The following TBCK variants were observed in gnomAD, a reference collection of about 807,000 sequenced individuals.
The protein encoded by TBCK is TBC domain-containing protein kinase-like protein.
Under a neutral mutation model 113.4 loss-of-function variants are expected in TBCK, and 99 were observed. The observed-to-expected ratio is 0.87, with a 90% confidence interval of 0.74 to 1.03. The LOEUF (loss-of-function observed/expected upper bound fraction) is 1.03. Ranked by LOEUF, TBCK falls within the 50% of genes least tolerant of loss-of-function variation. The pLI is 0.00. For missense variants in TBCK, 1,045 were observed against 1,061.3 expected, an observed-to-expected ratio of 0.98 and a Z score of 0.21; for synonymous variants, 369 against 370.8, an observed-to-expected ratio of 1.00 and a Z score of 0.05.
At chr4:106,233,201 A>AT (rs1269279332) in intron 16 of TBCK, 137 bp from the exon 17 acceptor site, 10 of 779,656 alleles carry the variant, frequency 1.3e-5, no homozygotes, top group Non-Finnish European at 2.0e-5. Context: ...TAAGTGCCTA[A>AT]TTTTTTGAAT....
intron 5 of TBCK, 134 bp from the exon 6 acceptor site, chr4:106,252,141 T>G (rs1761505290): frequency 6.2e-6 from 4 of 641,410 alleles, no homozygotes; most frequent in Non-Finnish European, 7.4e-6. Flanking sequence ...GAAAGCATTC[T>G]AAACTAACCA....
chr4:106,293,973 T>C (rs930030686), intron 3 of TBCK, among the ~76,000 whole-genome samples: 1 of 152,216 alleles, frequency 6.6e-6, no homozygotes, highest in Non-Finnish European at 1.5e-5. Flanking sequence ...TAATAGTATA[T>C]TTCTAATAAA....
At chr4:106,156,075 C>G (rs1269926353) in intron 23 of TBCK, among the ~76,000 whole-genome samples, 1 of 152,098 alleles carries the variant, frequency 6.6e-6, no homozygotes, top group Non-Finnish European at 1.5e-5. Context: ...GTGATCTAAG[C>G]TATATCTGTA....
At chr4:106,230,317 A>G in intron 19 of TBCK, 46 bp downstream of exon 19, 2 of 1,254,976 alleles carry the variant, frequency 1.6e-6, no homozygotes, top group Non-Finnish European at 2.3e-6. Flanking sequence ...GCACACCAGT[A>G]CATCAGTAGT....
At chr4:106,155,514 C>T (rs1749020172) in intron 23 of TBCK, among the ~76,000 whole-genome samples, 1 of 152,014 alleles carries the variant, frequency 6.6e-6, no homozygotes, top group East Asian at 1.9e-4. Flanking sequence ...TCCAGTAACT[C>T]TTAGATTTGA....
intron 24 of TBCK, among the ~76,000 whole-genome samples, chr4:106,108,089 A>T (rs1181131842): frequency 6.6e-6 from 1 of 152,150 alleles, no homozygotes; most frequent in Non-Finnish European, 1.5e-5. Flanking sequence ...ACCAATAATG[A>T]TCTCTGAAGT....
At chr4:106,206,332 A>G (rs1474004849) in intron 20 of TBCK, among the ~76,000 whole-genome samples, 1 of 152,224 alleles carries the variant, frequency 6.6e-6, no homozygotes, top group East Asian at 1.9e-4. Context: ...CAAAAATGTC[A>G]TTTTATCATC....
At chr4:106,240,525 T>C (rs1225695943) in intron 12 of TBCK, among the ~76,000 whole-genome samples, 1 of 152,028 alleles carries the variant, frequency 6.6e-6, no homozygotes, top group Admixed American at 6.6e-5. Context: ...TTACTAATCA[T>C]GCACAAAACA....
At chr4:106,246,007 T>C (rs1286116423) in intron 10 of TBCK, among the ~76,000 whole-genome samples, 1 of 152,096 alleles carries the variant, frequency 6.6e-6, no homozygotes, top group Non-Finnish European at 1.5e-5. Flanking sequence ...TTACACTCTA[T>C]ATTGGAAAAG....
chr4:106,307,268 G>C lies in TBCK; in HGVS notation c.193+1500C>G, dbSNP rs1767623980. 2.0e-5 allele frequency among the ~76,000 whole-genome samples: 3 copies of C among 152,120 alleles called. 1 individual carries two copies. Among genetic ancestry groups the C allele is most frequent in the Admixed American group, 6.5e-5 (1 of 15,278 alleles). On this transcript the variant is annotated intron_variant, in intron 2 of 25. Coordinates refer to ENST00000394708, the MANE Select transcript of TBCK (RefSeq NM_001163435.3). ...TTGTGAACCTTGACTTAATTGCTCT[G>C]TGGTTTAATTTTCTTATCTGTAAAA...
At chr4:106,110,953 T>C (rs1438770317) in intron 24 of TBCK, among the ~76,000 whole-genome samples, 3 of 150,282 alleles carry the variant, frequency 2.0e-5, no homozygotes, top group East Asian at 3.9e-4. Context: ...TAATGCAAGA[T>C]CAACAAGGCA....
intron 25 of TBCK, among the ~76,000 whole-genome samples, chr4:106,079,759 A>G (rs531265597): frequency 1.3e-5 from 2 of 152,330 alleles, no homozygotes; most frequent in African/African-American, 4.8e-5. Context: ...GGGTATTCAT[A>G]AAGAAAAAAA....
At chr4:106,188,230 T>G (rs534090640) in intron 22 of TBCK, among the ~76,000 whole-genome samples, 2 of 152,344 alleles carry the variant, frequency 1.3e-5, no homozygotes, top group East Asian at 3.9e-4. Flanking sequence ...ATTCTTTTGA[T>G]GCCTTAAATC....
chr4:106,222,060 G>A (rs2149951312), intron 19 of TBCK, among the ~76,000 whole-genome samples: 1 of 152,128 alleles, frequency 6.6e-6, no homozygotes, highest in South Asian at 2.1e-4. Flanking sequence ...ACCTACACAT[G>A]ACCTATATAG....
intron 19 of TBCK, 58 bp from the exon 20 acceptor site, chr4:106,212,893 T>C (rs1349378868): frequency 3.9e-6 from 4 of 1,021,872 alleles, no homozygotes; most frequent in East Asian, 2.4e-5. Context: ...AAGAACATTA[T>C]ATTCAAATAT....
At chr4:106,137,971 T>C (rs1286931004) in intron 23 of TBCK, among the ~76,000 whole-genome samples, 1 of 141,168 alleles carries the variant, frequency 7.1e-6, no homozygotes, top group East Asian at 2.0e-4. Context: ...TAGACAGTAT[T>C]TGTACAGTCA....
chr4:106,291,780 C>T (rs188465692), intron 3 of TBCK, among the ~76,000 whole-genome samples: 52 of 152,176 alleles, frequency 3.4e-4, no homozygotes, highest in Admixed American at 6.5e-4. Flanking sequence ...GAGAGGATGC[C>T]GATCAAAAGG....
intron 23 of TBCK, among the ~76,000 whole-genome samples, chr4:106,123,717 C>T (rs1744761998): frequency 6.6e-6 from 1 of 152,008 alleles, no homozygotes. Flanking sequence ...ACTACCTGAT[C>T]TTTGACAAAC....
At chr4:106,295,646 A>T (rs1766218327) in intron 2 of TBCK, among the ~76,000 whole-genome samples, 1 of 152,202 alleles carries the variant, frequency 6.6e-6, no homozygotes, top group Non-Finnish European at 1.5e-5. Flanking sequence ...AAAGAAATTC[A>T]ACCTAGAATT....
Sources: gnomAD v4.1 joint callset for allele counts (sites outside exome capture counted in the v4.1 genomes callset) on GRCh38, gnomAD v4.1.1 for gene constraint, MANE v1.5 for transcripts, NCBI Gene and HGNC (gene_info 2026-07-23, HGNC 2026-07-21) for gene names.